CYREN: variants seen among roughly 807,000 people sequenced by gnomAD.
CYREN encodes cell cycle regulator of non-homologous end joining.
Under a neutral mutation model 9.7 loss-of-function variants are expected in CYREN, and 7 were observed. That is an observed-to-expected ratio of 0.72 (90% confidence interval 0.41 to 1.36). The LOEUF is 1.36. Among genes scored for constraint, CYREN ranks in the 40% most tolerant of loss-of-function variants. CYREN has a pLI of 0.01. For missense variants in CYREN, 215 were observed against 198.1 expected (o/e 1.09, Z -0.51); for synonymous variants, 76 against 77.9 (o/e 0.98, Z 0.13).
At chr7:135,162,973 T>C (rs1233228793), downstream of CYREN, among the ~76,000 whole-genome samples, 2 of 152,242 alleles carry the variant, frequency 1.3e-5, no homozygotes, top group Non-Finnish European at 2.9e-5. Context: ...TTAGGCAGTA[T>C]TTAGCAAGAT....
chr7:135,167,248 G>A (rs1830228410), intron 3 of CYREN: 1 of 1,088,024 alleles, frequency 9.2e-7, no homozygotes. Flanking sequence ...GTTATTGCAA[G>A]GCTAAAATGA....
downstream of CYREN, chr7:135,164,657 C>T: frequency 6.2e-7 from 1 of 1,613,400 alleles, no homozygotes; most frequent in Non-Finnish European, 8.5e-7. Flanking sequence ...AGCTGGAAGC[C>T]CTGGGGGTGC....
At chr7:135,094,610 T>C (rs1822371948) in intron 2 of CYREN, 1 of 448,960 alleles carries the variant, frequency 2.2e-6, no homozygotes, top group Non-Finnish European at 4.5e-6. Flanking sequence ...AGAGTAAACA[T>C]TGTGAAATAC....
At chr7:135,161,622 T>C (rs1829941778), downstream of CYREN, among the ~76,000 whole-genome samples, 1 of 152,232 alleles carries the variant, frequency 6.6e-6, no homozygotes, top group African/African-American at 2.4e-5. The surrounding 1 kb of genome is among the most constrained non-coding windows in gnomAD (Gnocchi z 4.1). Flanking sequence ...TCCCATACCA[T>C]GGACTCAAAT....
At chr7:135,161,605 C>CA (rs1243321348), downstream of CYREN, among the ~76,000 whole-genome samples, 1 of 152,216 alleles carries the variant, frequency 6.6e-6, no homozygotes, top group African/African-American at 2.4e-5. The surrounding 1 kb of genome is among the most constrained non-coding windows in gnomAD (Gnocchi z 4.1). Context: ...TTCCCGTCGG[C>CA]AATTTTTCCC....
chr7:135,129,116 G>A, intron 2 of CYREN: 4 of 1,552,940 alleles, frequency 2.6e-6, no homozygotes, highest in Non-Finnish European at 3.6e-6. Flanking sequence ...AAGAGCTAGT[G>A]GAAGCAGAGT....
chr7:135,164,297 G>A, downstream of CYREN: 1 of 759,884 alleles, frequency 1.3e-6, no homozygotes, highest in Non-Finnish European at 2.1e-6. Context: ...TTGGTGGAGG[G>A]CAGGGTAGGA....
downstream of CYREN, chr7:135,164,891 G>T: frequency 6.2e-7 from 1 of 1,614,250 alleles, no homozygotes; most frequent in Non-Finnish European, 8.5e-7. Context: ...CGGGGCCTGG[G>T]TTTCTAGCTC....
intron 2 of CYREN, among the ~76,000 whole-genome samples, chr7:135,127,390 A>G (rs1466217782): frequency 6.6e-6 from 1 of 151,730 alleles, no homozygotes; most frequent in Non-Finnish European, 1.5e-5. Flanking sequence ...CATCTCTACT[A>G]AAATACAAAA....
intron 1 of CYREN, 194 bp from the exon 2 acceptor site, chr7:135,169,254 C>T: frequency 5.3e-6 from 1 of 188,692 alleles, no homozygotes; most frequent in Non-Finnish European, 1.1e-5. Flanking sequence ...AAAGCTGGTG[C>T]CCCCTACAGG....
chr7:135,106,033 G>A (rs1049089476), intron 2 of CYREN, among the ~76,000 whole-genome samples: 4 of 151,908 alleles, frequency 2.6e-5, no homozygotes, highest in African/African-American at 2.4e-5. Flanking sequence ...TTTGGCTCTC[G>A]GTTAGGCTGT....
At chr7:135,172,141 A>C (rs1249266235), upstream of CYREN, among the ~76,000 whole-genome samples, 1 of 152,042 alleles carries the variant, frequency 6.6e-6, no homozygotes, top group Non-Finnish European at 1.5e-5. Flanking sequence ...TGGCCTGATC[A>C]CCCACGGTGT....
At chr7:135,099,684 T>G (rs1235040626) in intron 2 of CYREN, among the ~76,000 whole-genome samples, 1 of 152,132 alleles carries the variant, frequency 6.6e-6, no homozygotes, top group East Asian at 1.9e-4. Flanking sequence ...ACTTTTTGGA[T>G]AACCATTGCT....
intron 2 of CYREN, among the ~76,000 whole-genome samples, chr7:135,095,703 T>A (rs1289233617): frequency 6.6e-6 from 1 of 152,224 alleles, no homozygotes; most frequent in Non-Finnish European, 1.5e-5. Flanking sequence ...TTACCCACCA[T>A]TCAAAGTCAC....
At chr7:135,100,970 G>T (rs537666477) in intron 2 of CYREN, among the ~76,000 whole-genome samples, 1 of 152,292 alleles carries the variant, frequency 6.6e-6, no homozygotes, top group African/African-American at 2.4e-5. Flanking sequence ...TGTATTAAAA[G>T]ACTTTGCATA....
At chr7:135,162,092 T>G (rs1047897409), downstream of CYREN, among the ~76,000 whole-genome samples, 4 of 152,222 alleles carry the variant, frequency 2.6e-5, no homozygotes, top group Non-Finnish European at 5.9e-5. Context: ...GGAGCTGCCC[T>G]CTCTCTCAGC....
intron 2 of CYREN, among the ~76,000 whole-genome samples, chr7:135,121,415 C>T (rs1225473055): frequency 2.6e-5 from 4 of 152,062 alleles, no homozygotes; most frequent in Non-Finnish European, 4.4e-5. Context: ...TTCAAGTGTA[C>T]GTGGATCATA....
chr7:135,135,817 A>C (rs1829323635), intron 2 of CYREN: 1 of 152,208 alleles, frequency 6.6e-6, no homozygotes, highest in South Asian at 2.1e-4. Context: ...ATTAGAAAAA[A>C]TACTGTATAT....
chr7:135,161,993 T>A (rs1829952669), downstream of CYREN, among the ~76,000 whole-genome samples: 1 of 152,218 alleles, frequency 6.6e-6, no homozygotes, highest in South Asian at 2.1e-4. This position sits in a 1 kb window ranked among gnomAD's most constrained non-coding sequence, Gnocchi z 4.1. Flanking sequence ...GCCCCAGCTC[T>A]CCATCAGCCA....
Sources: gnomAD v4.1 joint callset for allele counts (sites outside exome capture counted in the v4.1 genomes callset) on GRCh38, gnomAD v4.1.1 for gene constraint, Gnocchi (gnomAD v3.1) non-coding constraint, MANE v1.5 for transcripts, NCBI Gene and HGNC (gene_info 2026-07-23, HGNC 2026-07-21) for gene names.